TWIST2: variants seen among roughly 807,000 people sequenced by gnomAD.
TWIST2 encodes the protein twist-related protein 2.
In TWIST2, 1 loss-of-function variant was observed where a neutral mutation model predicts 11.6. The observed-to-expected ratio is 0.09, with a 90% CI of 0.03 to 0.41. The LOEUF is 0.41. Ranked by LOEUF, TWIST2 falls within the 10% of genes least tolerant of loss-of-function variation. The probability of loss-of-function intolerance (pLI) is 0.98; values close to 1 mark genes in which losing one functional copy is unlikely to be tolerated. For synonymous variants in TWIST2, 87 were observed against 96.6 expected, an observed-to-expected ratio of 0.90 and a Z score of 0.58; for missense variants, 168 against 226.4, an observed-to-expected ratio of 0.74 and a Z score of 1.66.
chr2:238,905,466 G>T (rs1243418130), intron 1 of TWIST2, among the ~76,000 whole-genome samples: 1 of 152,140 alleles, frequency 6.6e-6, no homozygotes, highest in African/African-American at 2.4e-5. Flanking sequence ...GACATCAAGG[G>T]GGCCAGGCCC....
chr2:238,872,276 G>A (rs1338072997), intron 1 of TWIST2, among the ~76,000 whole-genome samples: 2 of 152,122 alleles, frequency 1.3e-5, no homozygotes, highest in Admixed American at 6.6e-5. Flanking sequence ...GGTGAGATTT[G>A]GGCTGGACAC....
Position 238,864,808 on chromosome 2 carries a change from G to A in TWIST2, c.*35+16075G>A, listed in dbSNP as rs1450067287. Among the ~76,000 whole-genome samples the A allele has an allele frequency of 6.6e-6, 1 of 152,018 alleles. No homozygotes were observed. The highest frequency in any genetic ancestry group is 6.5e-5 in the Admixed American group (1 of 15,286). On this transcript the variant is annotated intron_variant, in intron 1 of 1. Transcript: ENST00000612363. This position sits in a 1 kb window ranked among gnomAD's most constrained non-coding sequence, Gnocchi z 4.7. ...CCTGTGGGGCTGTCCCCTTCTCTGA[G>A]CATCTGTGAGGGGTTTTCCTCTCCT...
rs1032104589 is a variant in TWIST2 at position 238,900,887 on chromosome 2, A to T, written c.*36-8955A>T. On this transcript the variant is annotated intron_variant, in intron 1 of 1. Transcript: ENST00000612363. The stretch of plus-strand genomic sequence containing the variant: ...CTTGGTGTTCCCTTTTAGTCTGAAG[A>T]TTATCCTGATAACCTGAAGATAATC... 3.3e-5 allele frequency among the ~76,000 whole-genome samples: 5 copies of T among 151,572 alleles called. No homozygotes were observed. The East Asian group carries it at 9.7e-4, about 29-fold the overall frequency.
intron 1 of TWIST2, among the ~76,000 whole-genome samples, chr2:238,879,638 G>T (rs1692870265): frequency 6.6e-6 from 1 of 152,204 alleles, no homozygotes; most frequent in Admixed American, 6.5e-5. Context: ...GGGATCTAGT[G>T]TCAAGTTAGT....
chr2:238,875,765 C>T (rs993712550), intron 1 of TWIST2, among the ~76,000 whole-genome samples: 5 of 152,200 alleles, frequency 3.3e-5, no homozygotes, highest in Non-Finnish European at 4.4e-5. Context: ...TCGCATTTCT[C>T]CCCTGTCCCC....
At chr2:238,877,889 G>A (rs1432755931) in intron 1 of TWIST2, among the ~76,000 whole-genome samples, 2 of 152,190 alleles carry the variant, frequency 1.3e-5, no homozygotes, top group Admixed American at 1.3e-4. Context: ...GTTTTGTGCT[G>A]CCAGGGACTG....
At chr2:238,895,873 T>G (rs1378739554) in intron 1 of TWIST2, among the ~76,000 whole-genome samples, 1 of 152,072 alleles carries the variant, frequency 6.6e-6, no homozygotes, top group Non-Finnish European at 1.5e-5. Flanking sequence ...AAGCTCGCCC[T>G]CTCCCCTGGT....
At chr2:238,889,722 A>G (rs62191081) in intron 1 of TWIST2, among the ~76,000 whole-genome samples, 103,241 of 152,186 alleles carry the variant, frequency 0.68, 35,742 homozygotes, top group Middle Eastern at 0.75. Flanking sequence ...TCCACCCCTC[A>G]CAGGCTGGTG....
chr2:238,848,844 G>A, intron 1 of TWIST2, 111 bp downstream of exon 1: 1 of 869,858 alleles, frequency 1.1e-6, no homozygotes, highest in Non-Finnish European at 1.5e-6. Context: ...CGGGCCGCGG[G>A]GGCTTGGATG....
At chr2:238,855,259 C>T (rs897065444) in intron 1 of TWIST2, among the ~76,000 whole-genome samples, 7 of 151,984 alleles carry the variant, frequency 4.6e-5, no homozygotes, top group Non-Finnish European at 8.8e-5. Flanking sequence ...CCTAAAATAC[C>T]GCAAATTGGA....
rs1426559472 is a variant in TWIST2, at chr2:238,910,270, C to T, written c.*464C>T. 6.6e-6 allele frequency: 1 copy of T among 152,046 alleles called. No homozygotes were observed. The highest frequency in any genetic ancestry group is 2.4e-5 in the African/African-American group (1 of 41,380). The allele number at this position is 152,046 out of a possible 1,614,324, so 9.4% of individuals were successfully genotyped here. Reference sequence around the variant, plus strand: ...CAATTCTGTTGAAACTGGACCAAGGCTCTCAGAAGAGGACCCCCGAGTTCC... The same window carrying T: ...CAATTCTGTTGAAACTGGACCAAGGTTCTCAGAAGAGGACCCCCGAGTTCC... On this transcript the variant is annotated 3_prime_UTR_variant, in exon 2 of 2. Coordinates refer to ENST00000612363, the MANE Select transcript of TWIST2 (RefSeq NM_001271893.4).
At chr2:238,902,559 G>C (rs1475120076) in intron 1 of TWIST2, among the ~76,000 whole-genome samples, 2 of 150,012 alleles carry the variant, frequency 1.3e-5, no homozygotes, top group African/African-American at 2.5e-5. Context: ...TGTGTGCGAT[G>C]TGGGGTTGTG....
chr2:238,876,367 G>C (rs1228559117), intron 1 of TWIST2, among the ~76,000 whole-genome samples: 1 of 152,178 alleles, frequency 6.6e-6, no homozygotes, highest in Non-Finnish European at 1.5e-5. Context: ...GAGACTGCAG[G>C]CTCCAAGTGC....
chr2:238,889,630 T>C (rs1388681667), intron 1 of TWIST2, among the ~76,000 whole-genome samples: 1 of 152,238 alleles, frequency 6.6e-6, no homozygotes, highest in Non-Finnish European at 1.5e-5. Context: ...TTTGTATTTA[T>C]TCCTTCATAG....
intron 1 of TWIST2, among the ~76,000 whole-genome samples, chr2:238,883,016 G>C (rs1692965461): frequency 6.6e-6 from 1 of 152,136 alleles, no homozygotes; most frequent in Non-Finnish European, 1.5e-5. Flanking sequence ...CCTCCAGTTT[G>C]GGGGTGAGAT....
intron 1 of TWIST2, among the ~76,000 whole-genome samples, chr2:238,909,193 G>GTGTGGC (rs1370236484): frequency 1.8e-4 from 1 of 5,412 alleles, no homozygotes; most frequent in African/African-American, 8.2e-4. Flanking sequence ...TGGTATGTTT[G>GTGTGGC]GTGTGTGTGT....
chr2:238,906,213 C>G (rs1693352531), intron 1 of TWIST2, among the ~76,000 whole-genome samples: 1 of 152,016 alleles, frequency 6.6e-6, no homozygotes, highest in African/African-American at 2.4e-5. Flanking sequence ...ATCAGACACC[C>G]ACGCCCACAG....
intron 1 of TWIST2, among the ~76,000 whole-genome samples, chr2:238,855,474 T>C (rs368353451): frequency 2.0e-4 from 30 of 152,360 alleles, no homozygotes; most frequent in African/African-American, 7.0e-4. Context: ...CCCAGCCGCC[T>C]GGCTTTCCTC....
intron 1 of TWIST2, among the ~76,000 whole-genome samples, chr2:238,865,886 A>G (rs1039969992): frequency 2.7e-5 from 4 of 150,916 alleles, no homozygotes; most frequent in Admixed American, 1.3e-4. Flanking sequence ...GCTGTGATGA[A>G]CCCTTTCCAG....
Sources: gnomAD v4.1 joint callset for allele counts (sites outside exome capture counted in the v4.1 genomes callset) on GRCh38, gnomAD v4.1.1 for gene constraint, Gnocchi (gnomAD v3.1) non-coding constraint, MANE v1.5 for transcripts, NCBI Gene and HGNC (gene_info 2026-07-23, HGNC 2026-07-21) for gene names.